SAMD12: variants seen among roughly 807,000 people sequenced by gnomAD.
SAMD12 encodes sterile alpha motif domain containing 12.
Under a neutral mutation model 15.0 loss-of-function variants are expected in SAMD12, and 9 were observed. The observed-to-expected ratio is 0.60, with a 90% CI of 0.36 to 1.05. SAMD12 has a LOEUF of 1.05. SAMD12 is among the 50% of genes least tolerant of loss of function. SAMD12 has a pLI of 0.01. For missense variants in SAMD12, 230 were observed against 234.2 expected, an observed-to-expected ratio of 0.98 and a Z score of 0.12; for synonymous variants, 86 against 90.1, an observed-to-expected ratio of 0.96 and a Z score of 0.25.
At chr8:118,529,608 C>T (rs1012732472) in intron 2 of SAMD12, among the ~76,000 whole-genome samples, 1 of 152,140 alleles carries the variant, frequency 6.6e-6, no homozygotes, top group Non-Finnish European at 1.5e-5. Context: ...AATGCACACA[C>T]ATTATTTAGC....
At chr8:118,615,803 G>C (rs2131323960) in intron 1 of SAMD12, among the ~76,000 whole-genome samples, 1 of 152,296 alleles carries the variant, frequency 6.6e-6, no homozygotes, top group African/African-American at 2.4e-5. Flanking sequence ...AGAAAGGGTG[G>C]GATAAAAGGA....
intron 2 of SAMD12, among the ~76,000 whole-genome samples, chr8:118,485,754 G>T (rs920659244): frequency 1.3e-5 from 2 of 151,996 alleles, no homozygotes; most frequent in Non-Finnish European, 2.9e-5. Flanking sequence ...GGATAAAAGG[G>T]AATTAAAAAA....
chr8:118,163,895 AAACAAAAC>A, the SAMD12 span, among the ~76,000 whole-genome samples: 1 of 148,106 alleles, frequency 6.8e-6, no homozygotes, highest in African/African-American at 2.5e-5. Context: ...AAACAAAACA[AAACAAAAC>A]AAAACAAAAC....
chr8:118,188,249 A>G (rs1317691002), downstream of SAMD12, among the ~76,000 whole-genome samples: 1 of 152,154 alleles, frequency 6.6e-6, no homozygotes, highest in African/African-American at 2.4e-5. Flanking sequence ...ATAGTTAGAA[A>G]TGATCCCAAA....
At chr8:118,176,994 T>G in the SAMD12 span, among the ~76,000 whole-genome samples, 2 of 152,020 alleles carry the variant, frequency 1.3e-5, no homozygotes, top group African/African-American at 4.8e-5. Flanking sequence ...AAGACCAGAG[T>G]GTTGAGAAAG....
chr8:118,234,069 TAGAGA>T (rs1812375262), intron 4 of SAMD12, among the ~76,000 whole-genome samples: 1 of 152,142 alleles, frequency 6.6e-6, no homozygotes, highest in African/African-American at 2.4e-5. Context: ...CTTTTTATCT[TAGAGA>T]ATTGTTTTCC....
At chr8:118,169,415 T>C in the SAMD12 span, among the ~76,000 whole-genome samples, 1 of 151,994 alleles carries the variant, frequency 6.6e-6, no homozygotes, top group African/African-American at 2.4e-5. Flanking sequence ...ACACTTTCTT[T>C]TTAAATATGT....
intron 2 of SAMD12, among the ~76,000 whole-genome samples, chr8:118,554,068 C>T (rs1393813723): frequency 6.6e-6 from 1 of 151,838 alleles, no homozygotes; most frequent in African/African-American, 2.4e-5. Flanking sequence ...AATAGGAACA[C>T]TTTTACACTG....
chr8:118,518,351 T>C (rs1028531692), intron 2 of SAMD12, among the ~76,000 whole-genome samples: 7 of 152,196 alleles, frequency 4.6e-5, no homozygotes, highest in African/African-American at 1.7e-4. Context: ...AGCAAGAACC[T>C]GTGATAGGAA....
At chr8:118,395,562 C>T (rs1188747205) in intron 3 of SAMD12, among the ~76,000 whole-genome samples, 25 of 152,164 alleles carry the variant, frequency 1.6e-4, no homozygotes, top group Admixed American at 1.6e-3. Context: ...GGTTCTCCAA[C>T]CTCAAAGAGT....
chr8:118,164,983 G>GTGTGTGTGTC, the SAMD12 span, among the ~76,000 whole-genome samples: 1 of 151,358 alleles, frequency 6.6e-6, no homozygotes, highest in African/African-American at 2.4e-5. Flanking sequence ...AGATGTGTGT[G>GTGTGTGTGTC]TGTGTGTGTG....
chr8:118,232,799 C>G (rs543386161), intron 4 of SAMD12, among the ~76,000 whole-genome samples: 8 of 151,726 alleles, frequency 5.3e-5, no homozygotes, highest in African/African-American at 9.7e-5. Flanking sequence ...AGGGTGTAGG[C>G]TCTCAGGGTG....
At chr8:118,515,595 A>C (rs1247135058) in intron 2 of SAMD12, among the ~76,000 whole-genome samples, 2 of 152,098 alleles carry the variant, frequency 1.3e-5, no homozygotes, top group Non-Finnish European at 2.9e-5. Flanking sequence ...TGACATACTC[A>C]AGCTGTCCTC....
chr8:118,236,737 T>A (rs1812440101), intron 4 of SAMD12, among the ~76,000 whole-genome samples: 1 of 152,188 alleles, frequency 6.6e-6, no homozygotes, highest in Non-Finnish European at 1.5e-5. Flanking sequence ...TATTTTACTA[T>A]CAAATTTGGC....
chr8:118,389,131 A>C (rs1820130208), intron 3 of SAMD12, among the ~76,000 whole-genome samples: 1 of 152,176 alleles, frequency 6.6e-6, no homozygotes, highest in Non-Finnish European at 1.5e-5. Flanking sequence ...ATTTCACAAA[A>C]GCCTATCATG....
chr8:118,611,475 A>T (rs533324316), intron 1 of SAMD12, among the ~76,000 whole-genome samples: 18 of 152,216 alleles, frequency 1.2e-4, no homozygotes, highest in South Asian at 4.2e-4. Flanking sequence ...GCCGTCTCCA[A>T]CTCCATCCAT....
intron 2 of SAMD12, among the ~76,000 whole-genome samples, chr8:118,532,189 A>G (rs202011560): frequency 6.6e-6 from 1 of 152,268 alleles, no homozygotes; most frequent in South Asian, 2.1e-4. Flanking sequence ...CATCTATTGA[A>G]ATAATCATGT....
chr8:118,344,930 T>C, intron 4 of SAMD12, among the ~76,000 whole-genome samples: 1 of 152,300 alleles, frequency 6.6e-6, no homozygotes, highest in South Asian at 2.1e-4. Flanking sequence ...ACAGTACTAT[T>C]ATTATATTTT....
intron 2 of SAMD12, among the ~76,000 whole-genome samples, chr8:118,447,325 C>G (rs1822944697): frequency 6.6e-6 from 1 of 150,706 alleles, no homozygotes; most frequent in South Asian, 2.1e-4. Context: ...TTTTTTGAGA[C>G]TGAGTCCCAC....
Sources: gnomAD v4.1 joint callset for allele counts (sites outside exome capture counted in the v4.1 genomes callset) on GRCh38, gnomAD v4.1.1 for gene constraint, MANE v1.5 for transcripts, NCBI Gene and HGNC (gene_info 2026-07-23, HGNC 2026-07-21) for gene names.